Variants in ZNF347 observed in about 807,000 individuals in gnomAD.
The protein encoded by ZNF347 is zinc finger protein 347.
ZNF347 carries 19 observed loss-of-function variants against 12.9 expected under a neutral mutation model. The ratio of observed to expected loss-of-function variants is 1.47; its 90% confidence interval spans 1.03 to 2.16. ZNF347 has a LOEUF of 2.16. Ranked by LOEUF, ZNF347 falls within the 30% of genes most tolerant of loss-of-function variation. The pLI is 0.00. For synonymous variants in ZNF347, 328 were observed against 340.6 expected (o/e 0.96, Z 0.41); for missense variants, 1,005 against 990.6 (o/e 1.01, Z -0.19).
At chr19:53,146,671 T>C (rs1205898692) in intron 4 of ZNF347, among the ~76,000 whole-genome samples, 1 of 151,806 alleles carries the variant, frequency 6.6e-6, no homozygotes, top group East Asian at 1.9e-4. Context: ...ATTAATAAAA[T>C]CAGAGACAAA....
At chr19:53,157,385 C>A (rs2090542558) in intron 1 of ZNF347, among the ~76,000 whole-genome samples, 1 of 152,134 alleles carries the variant, frequency 6.6e-6, no homozygotes, top group South Asian at 2.1e-4. Flanking sequence ...CCTCCCTCAT[C>A]CTCTACATAG....
At position 53,142,068 on chromosome 19, in the gene ZNF347, C is replaced by T; in HGVS notation, c.760G>A (p.Ala254Thr). ...TTGTAAGGGCTTCCCCAATTATTTG[C>T]TTTTTGCCCCTGTGTGAGTAATAAA... is the stretch of plus-strand genomic sequence containing the variant. ...SSLLLTQGQK[A>T]NNWGSPYKSN... Residue 254 changes from alanine (A) to threonine (T), a missense_variant, in exon 5 of 5, where the codon GCA (alanine) becomes ACA (threonine). By Grantham distance (58) the Ala-to-Thr change is moderately conservative (BLOSUM62 0). Transcript: ENST00000334197. The T allele has an allele frequency of 1.2e-6, 2 of 1,613,042 alleles. No homozygotes were observed. Among genetic ancestry groups the T allele is most frequent in the Non-Finnish European group, 1.7e-6 (2 of 1,179,750 alleles).
Position 53,142,517 on chromosome 19 carries a change from T to C in ZNF347, c.311A>G (p.Lys104Arg), listed in dbSNP as rs745917360. ...TACTTCTCCTGTATTACTCTTCCCT[T>C]TGTGTAGTAAATCTTTCATTACAAA... ...SEFVMKDLLH[K>R]GKSNTGEVFQ... is the part of the protein sequence containing the mutation. The change falls in exon 5 of 5, where the codon AAA becomes AGA. Residue 104 changes from lysine to arginine, a missense_variant. Physicochemically the swap from Lys to Arg is conservative, Grantham distance 26 (BLOSUM62 2). Coordinates refer to ENST00000334197, the MANE Select transcript of ZNF347 (RefSeq NM_032584.3). 4.3e-5 allele frequency: 69 copies of C among 1,606,588 alleles called. No individual in the cohort carries two copies. Among genetic ancestry groups the C allele is most frequent in the Non-Finnish European group, 5.4e-5 (63 of 1,177,336 alleles).
rs1000650468 is a variant in ZNF347 at position 53,155,499 on chromosome 19, A to AT, written c.-46-1707dup. Among the ~76,000 whole-genome samples the AT allele has an allele frequency of 4.7e-5, 7 of 149,128 alleles. No homozygotes were observed. In the South Asian group the frequency reaches 1.3e-3, roughly 27 times the overall value. ...AGGTGCAAGCCACCACATCCAGCTT[A>AT]TTTTTTTCTATTTTTCGTAGAGACG... On this transcript the variant is annotated intron_variant, in intron 1 of 4. Coordinates refer to ENST00000334197, the MANE Select transcript of ZNF347 (RefSeq NM_032584.3).
chr19:53,141,961 G>T lies in ZNF347; in HGVS notation c.867C>A (p.Tyr289Ter). The T allele has an allele frequency of 1.2e-6, 2 of 1,613,972 alleles. No individual in the cohort carries two copies. The highest frequency in any genetic ancestry group is 1.1e-5 in the South Asian group (1 of 91,030). Residue 289 changes from tyrosine to a stop codon, truncating the protein, a stop_gained, in exon 5 of 5, where the codon TAC becomes TAA. Coordinates refer to ENST00000334197, the MANE Select transcript of ZNF347 (RefSeq NM_032584.3). LOFTEE classifies it low-confidence loss of function (END_TRUNC). ...AGGCTTTGCCACACTCATAACATTT[G>T]TAAGGTTTCTCTTTAGTATGACTTC... ...HQRSHTKEKP[Y>*]KCYECGKAFR...
Position 53,140,796 on chromosome 19 carries a change from C to T in ZNF347, c.2032G>A (p.Gly678Ser). 1.2e-5 allele frequency: 19 copies of T among 1,613,524 alleles called. No homozygotes were observed. Among genetic ancestry groups the T allele is most frequent in the Non-Finnish European group, 1.5e-5 (18 of 1,179,680 alleles). Residue 678 changes from glycine to serine, a missense_variant, in exon 5 of 5, where the codon GGT becomes AGT. By Grantham distance (56) the Gly-to-Ser change is moderately conservative. Coordinates refer to ENST00000334197, the MANE Select transcript of ZNF347 (RefSeq NM_032584.3). ...LARHRRVHTGGKPYQCNECGK... is the reference protein window; with the variant it reads ...LARHRRVHTGSKPYQCNECGK... The stretch of plus-strand genomic sequence containing the variant: ...CATTCATTACACTGGTAAGGTTTAC[C>T]TCCAGTATGAACTCTCCGATGTCTT...
rs140225911 is a variant in ZNF347 at position 53,150,382 on chromosome 19, T to C, written c.16-1015A>G. 2.1e-3 allele frequency among the ~76,000 whole-genome samples: 317 copies of C among 152,326 alleles called. 1 individual carries two copies. Among genetic ancestry groups the C allele is most frequent in the African/African-American group, 7.2e-3 (300 of 41,584 alleles). Reference sequence around the variant, plus strand: ...CACCACATCCTCACACACACAGGTATTTTTGGGCAGAATGTTTCCTTAATT... The same window carrying C: ...CACCACATCCTCACACACACAGGTACTTTTGGGCAGAATGTTTCCTTAATT... On this transcript the variant is annotated intron_variant, in intron 2 of 4. Coordinates refer to ENST00000334197, the MANE Select transcript of ZNF347 (RefSeq NM_032584.3).
intron 2 of ZNF347, among the ~76,000 whole-genome samples, chr19:53,152,322 A>G (rs2090503925): frequency 6.6e-6 from 1 of 151,942 alleles, no homozygotes; most frequent in Admixed American, 6.6e-5. Context: ...ACATTCACTG[A>G]AGGGCCGGGC....
Position 53,142,180 on chromosome 19 carries a change from A to G in ZNF347, c.648T>C (p.Asn216=). 1 of 1,614,024 alleles carries G rather than the reference A, an allele frequency of 6.2e-7. No individual in the cohort carries two copies. The change falls in exon 5 of 5, where the codon AAT becomes AAC. Residue 216 remains asparagine, a synonymous_variant. Coordinates refer to ENST00000334197, the MANE Select transcript of ZNF347 (RefSeq NM_032584.3). ...GTTGAGGTGGTGAAACTGAGGAATTATTGTTGAAAGACTTCTCAACCTGAT... is the reference window on the plus strand; with the variant it reads ...GTTGAGGTGGTGAAACTGAGGAATTGTTGTTGAAAGACTTCTCAACCTGAT... ...ECNQVEKSFN[N]NSSVSPPQQM... is the part of the protein sequence containing the mutation.
chr19:53,149,512 C>T (rs2090484338), intron 2 of ZNF347, 145 bp from the exon 3 acceptor site: 2 of 1,425,444 alleles, frequency 1.4e-6, no homozygotes, highest in East Asian at 2.8e-5. Flanking sequence ...GGTCTTCATC[C>T]CCCTTTCCTG....
rs1233404822 is a variant in ZNF347 at position 53,138,796 on chromosome 19, TGTTTA to T, written c.*1507_*1511del. ...TGATGTTGGTACAAAGAATGTGATT[TGTTTA>T]TAGTTATAAGAAAACGTTGAATTTT... On this transcript the variant is annotated 3_prime_UTR_variant, in exon 5 of 5. Transcript: ENST00000334197. The T allele has an allele frequency of 6.6e-6, 1 of 152,204 alleles. No individual in the cohort carries two copies. The highest frequency in any genetic ancestry group is 1.5e-5 in the Non-Finnish European group (1 of 68,044). The allele number at this position is 152,204 out of a possible 1,614,324, so 9.4% of individuals were successfully genotyped here. A position where few individuals can be genotyped will look rare whatever the true frequency, so the allele number is the denominator to read the frequency against.
chr19:53,158,206 G>A (rs2090547780), intron 1 of ZNF347, among the ~76,000 whole-genome samples: 3 of 152,218 alleles, frequency 2.0e-5, no homozygotes, highest in Non-Finnish European at 4.4e-5. Context: ...GGGCTCAGGA[G>A]AAGCGGGGAC....
chr19:53,140,255 G>C lies in ZNF347; in HGVS notation c.*53C>G. 6.8e-7 allele frequency: 1 copy of C among 1,465,076 alleles called. No individual in the cohort carries two copies. The highest frequency in any genetic ancestry group is 9.2e-7 in the Non-Finnish European group (1 of 1,088,132). The allele number at this position is 1,465,076 out of a possible 1,614,324, so 90.8% of individuals were successfully genotyped here. On this transcript the variant is annotated 3_prime_UTR_variant, in exon 5 of 5. Coordinates refer to ENST00000334197, the MANE Select transcript of ZNF347 (RefSeq NM_032584.3). Reference sequence around the variant, plus strand: ...CATAAATTCTCTGACGTTGTCAAAGGAATGAATTCTAACTGCAAAAGTTAC... The same window carrying C: ...CATAAATTCTCTGACGTTGTCAAAGCAATGAATTCTAACTGCAAAAGTTAC...
rs574098946 is a variant in ZNF347, at chr19:53,155,382, G to A, written c.-46-1589C>T. 6.6e-5 allele frequency among the ~76,000 whole-genome samples: 10 copies of A among 151,996 alleles called. No individual in the cohort carries two copies. The East Asian group carries it at 1.9e-3, about 29-fold the overall frequency. On this transcript the variant is annotated intron_variant, in intron 1 of 4. Coordinates refer to ENST00000334197, the MANE Select transcript of ZNF347 (RefSeq NM_032584.3). ...GGGTCTCACTCTGTTGCCCAGGCTA[G>A]AGTGTGACAGCATGAACATGGCTTA...
In ZNF347 at chr19:53,158,214, G is replaced by A. The variant is rs867012226; in HGVS notation, c.-47+795C>T. On this transcript the variant is annotated intron_variant, in intron 1 of 4. Coordinates refer to ENST00000334197, the MANE Select transcript of ZNF347 (RefSeq NM_032584.3). Reference sequence around the variant, plus strand: ...CCAGCGCGGGCTCAGGAGAAGCGGGGACTGCGAAGGGGAGGCCTGGGGAGC... The same window carrying A: ...CCAGCGCGGGCTCAGGAGAAGCGGGAACTGCGAAGGGGAGGCCTGGGGAGC... Among the ~76,000 whole-genome samples, 3 of 152,210 alleles carry A rather than the reference G, an allele frequency of 2.0e-5. No individual in the cohort carries two copies. The South Asian group carries it at 6.2e-4, about 31-fold the overall frequency.
In ZNF347 at chr19:53,138,024, G is replaced by T. The variant is rs2146793949; in HGVS notation, c.*2284C>A. On this transcript the variant is annotated 3_prime_UTR_variant, in exon 5 of 5. Coordinates refer to ENST00000334197, the MANE Select transcript of ZNF347 (RefSeq NM_032584.3). The stretch of plus-strand genomic sequence containing the variant: ...GGGTTTCACTGTGTTGGCCAGGGTG[G>T]TCTCGATTTTCTGACCCCATGATCC... 1 of 152,216 alleles carries T rather than the reference G, an allele frequency of 6.6e-6. No individual in the cohort carries two copies. Among genetic ancestry groups the T allele is most frequent in the South Asian group, 2.1e-4 (1 of 4,820 alleles). The allele number at this position is 152,216 out of a possible 1,614,324, so 9.4% of individuals were successfully genotyped here.
chr19:53,148,605 G>C, intron 4 of ZNF347, 76 bp downstream of exon 4: 1 of 1,489,344 alleles, frequency 6.7e-7, no homozygotes, highest in African/African-American at 1.4e-5. Flanking sequence ...TTTTCCCACA[G>C]AACTCTCAGA....
rs1324284450 is a variant in ZNF347 at position 53,140,292 on chromosome 19, G to C, written c.*16C>G. 6.6e-7 allele frequency: 1 copy of C among 1,523,966 alleles called. No individual in the cohort carries two copies. The highest frequency in any genetic ancestry group is 1.3e-5 in the South Asian group (1 of 75,376). The allele number at this position is 1,523,966 out of a possible 1,614,324, so 94.4% of individuals were successfully genotyped here. ...ACTGCAAAAGTTACCACCTTCATTT[G>C]TAAGGTTTCTCTCCACTATGAATTC... On this transcript the variant is annotated 3_prime_UTR_variant, in exon 5 of 5. Coordinates refer to ENST00000334197, the MANE Select transcript of ZNF347 (RefSeq NM_032584.3).
At position 53,142,304 on chromosome 19, in the gene ZNF347, G is replaced by C. The variant is rs2090434393; in HGVS notation, c.524C>G (p.Ala175Gly). Reference protein sequence around the residue: ...HGRDEHDKRDARNKLIKNQLG... With the variant: ...HGRDEHDKRDGRNKLIKNQLG... ...CTGATTTTTAATAAGCTTGTTTCTT[G>C]CATCTCTTTTATCATGTTCATCTCT... Residue 175 changes from alanine (A) to glycine (G), a missense_variant, in exon 5 of 5, where the codon GCA (alanine) becomes GGA (glycine). Physicochemically the swap from Ala to Gly is moderately conservative, Grantham distance 60. Transcript: ENST00000334197. 1 of 1,613,914 alleles carries C rather than the reference G, an allele frequency of 6.2e-7. No individual in the cohort carries two copies. The highest frequency in any genetic ancestry group is 8.5e-7 in the Non-Finnish European group (1 of 1,179,948).
Sources: gnomAD v4.1 joint callset for allele counts (sites outside exome capture counted in the v4.1 genomes callset) on GRCh38, gnomAD v4.1.1 for gene constraint, MANE v1.5 for transcripts, NCBI Gene and HGNC (gene_info 2026-07-23, HGNC 2026-07-21) for gene names.